The following KLC1 variants were observed in gnomAD, a reference collection of about 807,000 sequenced individuals.
KLC1 encodes the protein kinesin light chain 1.
KLC1 carries 30 observed loss-of-function variants against 84.2 expected under a neutral mutation model. That is an observed-to-expected ratio of 0.36 (90% CI 0.27 to 0.48). The LOEUF is 0.48. Among genes scored for constraint, KLC1 ranks in the 20% least tolerant of loss-of-function variants. The probability of loss-of-function intolerance (pLI) is 0.99; values close to 1 mark genes in which losing one functional copy is unlikely to be tolerated. For missense variants in KLC1, 499 were observed against 805.4 expected (o/e 0.62, Z 4.60); for synonymous variants, 289 against 293.3 (o/e 0.99, Z 0.15).
chr14:103,641,131 G>A (rs1050001153), intron 1 of KLC1, among the ~76,000 whole-genome samples: 4 of 152,010 alleles, frequency 2.6e-5, no homozygotes, highest in Admixed American at 2.6e-4. Context: ...TGCCATGTTG[G>A]CCATGCTGGT....
intron 3 of KLC1, among the ~76,000 whole-genome samples, chr14:103,660,060 G>T (rs1489244065): frequency 6.6e-6 from 1 of 152,112 alleles, no homozygotes. Context: ...CCATTACACT[G>T]GGGGTTAGGG....
At chr14:103,686,344 C>A in intron 13 of KLC1, 2 of 408,810 alleles carry the variant, frequency 4.9e-6, no homozygotes, top group Non-Finnish European at 6.6e-6. Flanking sequence ...GAGTTCCTTC[C>A]AAGAAGAAAT....
intron 5 of KLC1, among the ~76,000 whole-genome samples, chr14:103,667,461 G>A (rs2079965000): frequency 6.6e-6 from 1 of 151,764 alleles, no homozygotes; most frequent in African/African-American, 2.4e-5. Context: ...TCAGCCTCCC[G>A]AGTAGCTGGG....
chr14:103,644,163 C>G (rs1358151374), intron 1 of KLC1, among the ~76,000 whole-genome samples: 2 of 131,522 alleles, frequency 1.5e-5, no homozygotes, highest in Non-Finnish European at 3.1e-5. Flanking sequence ...TGCAGTGAGC[C>G]GTGATTGCAC....
chr14:103,676,095 C>T (rs2080852954), intron 11 of KLC1, among the ~76,000 whole-genome samples: 1 of 152,224 alleles, frequency 6.6e-6, no homozygotes, highest in Non-Finnish European at 1.5e-5. Context: ...CACAGATCCA[C>T]ACACACTCCT....
chr14:103,675,517 G>T (rs1311662135), intron 9 of KLC1, 35 bp from the exon 10 acceptor site: 1 of 1,588,698 alleles, frequency 6.3e-7, no homozygotes, highest in Non-Finnish European at 8.6e-7. Context: ...TTGGATTAAG[G>T]ATGCTCAACC....
intron 3 of KLC1, among the ~76,000 whole-genome samples, chr14:103,658,119 C>T (rs1279381854): frequency 1.3e-5 from 2 of 152,206 alleles, no homozygotes; most frequent in Admixed American, 6.5e-5. Flanking sequence ...AGGGTGGGTG[C>T]TCTTGGCATT....
intron 1 of KLC1, among the ~76,000 whole-genome samples, chr14:103,631,133 T>C (rs556528187): frequency 9.3e-5 from 14 of 150,734 alleles, no homozygotes; most frequent in Admixed American, 1.3e-4. Context: ...CGGGCTGGAG[T>C]GTAGTGGCGC....
chr14:103,648,620 A>C (rs903160042), intron 1 of KLC1, among the ~76,000 whole-genome samples: 2 of 150,854 alleles, frequency 1.3e-5, no homozygotes, highest in Admixed American at 1.3e-4. Context: ...CTCTCTACAG[A>C]AAATAAAAAG....
At chr14:103,690,868 A>G (rs759843861) in intron 14 of KLC1, among the ~76,000 whole-genome samples, 5 of 152,222 alleles carry the variant, frequency 3.3e-5, no homozygotes. Flanking sequence ...ACATTCCTGT[A>G]TTCCTTTAAG....
chr14:103,677,026 C>G (rs2080954459), intron 11 of KLC1, among the ~76,000 whole-genome samples: 1 of 152,208 alleles, frequency 6.6e-6, no homozygotes, highest in African/African-American at 2.4e-5. Context: ...AGCACGTGAG[C>G]AGCAACATTC....
chr14:103,648,082 C>G (rs2078096447), intron 1 of KLC1, among the ~76,000 whole-genome samples: 1 of 151,646 alleles, frequency 6.6e-6, no homozygotes, highest in South Asian at 2.1e-4. Flanking sequence ...TCCCGAGTAG[C>G]TGGGACTACA....
intron 1 of KLC1, among the ~76,000 whole-genome samples, chr14:103,643,735 C>G (rs979323157): frequency 6.6e-6 from 1 of 151,500 alleles, no homozygotes; most frequent in Non-Finnish European, 1.5e-5. Context: ...CCAGACCAGC[C>G]TGGCCAATAT....
At chr14:103,685,618 C>G in intron 13 of KLC1, 1 of 1,289,308 alleles carries the variant, frequency 7.8e-7, no homozygotes, top group African/African-American at 1.5e-5. Flanking sequence ...TGGGTTTTCT[C>G]TCTCCTTTCT....
intron 15 of KLC1, chr14:103,699,773 AG>A (rs2082974732): frequency 4.8e-6 from 3 of 626,346 alleles, no homozygotes; most frequent in South Asian, 1.8e-5. Context: ...TAGAAGCTTC[AG>A]GCTCACACAA....
intron 11 of KLC1, 83 bp downstream of exon 11, chr14:103,675,839 C>A: frequency 8.0e-6 from 9 of 1,129,360 alleles, no homozygotes; most frequent in Middle Eastern, 2.0e-4. Context: ...TTATAAATGA[C>A]CAATGTGTAG....
intron 1 of KLC1, among the ~76,000 whole-genome samples, chr14:103,646,015 C>T (rs2077894219): frequency 6.6e-6 from 1 of 152,154 alleles, no homozygotes; most frequent in African/African-American, 2.4e-5. Flanking sequence ...GCCTCAGCCT[C>T]CCAAAGTGCT....
rs1355089179 is a variant in KLC1, at chr14:103,629,408, C to G, written c.-88C>G. On this transcript the variant is annotated 5_prime_UTR_variant, in exon 1 of 17. Coordinates refer to ENST00000334553, the MANE Select transcript of KLC1 (RefSeq NM_001394837.1). Reference sequence around the variant, plus strand: ...GTGCCTCACACAGCCGAGGCGGGCTCGGCGCACAGTCGCTGCTCCGCGCGC... The same window carrying G: ...GTGCCTCACACAGCCGAGGCGGGCTGGGCGCACAGTCGCTGCTCCGCGCGC... 2.6e-5 allele frequency: 4 copies of G among 152,162 alleles called. No homozygotes were observed. The highest frequency in any genetic ancestry group is 1.3e-4 in the Admixed American group (2 of 15,276). 9.4% of individuals were successfully genotyped at this position (152,162 alleles called of 1,614,324 possible).
intron 3 of KLC1, among the ~76,000 whole-genome samples, chr14:103,660,798 C>T (rs2079213970): frequency 6.6e-6 from 1 of 150,604 alleles, no homozygotes; most frequent in African/African-American, 2.4e-5. Context: ...CTCAGAAAAA[C>T]AAGCAATAAA....
Sources: allele counts gnomAD v4.1 joint callset (sites outside exome capture counted in the v4.1 genomes callset), GRCh38; gene constraint gnomAD v4.1.1; transcripts MANE v1.5; gene names NCBI Gene and HGNC (gene_info 2026-07-23, HGNC 2026-07-21).